The following FOLH1 variants were observed in gnomAD, a reference collection of about 807,000 sequenced individuals.
FOLH1 encodes folate hydrolase 1.
Under a neutral mutation model 93.9 loss-of-function variants are expected in FOLH1, and 54 were observed. The ratio of observed to expected loss-of-function variants is 0.57; its 90% confidence interval spans 0.46 to 0.72. FOLH1 has a LOEUF of 0.72. Among genes scored for constraint, FOLH1 ranks in the 30% least tolerant of loss-of-function variants. The pLI, the probability that FOLH1 is intolerant of heterozygous loss-of-function variation, is 0.00. For synonymous variants in FOLH1, 249 were observed against 303.6 expected (o/e 0.82, Z 1.87); for missense variants, 571 against 892.5 (o/e 0.64, Z 4.59).
intron 11 of FOLH1, 35 bp from the exon 12 acceptor site, chr11:49,169,293 A>G: frequency 6.3e-7 from 1 of 1,590,204 alleles, no homozygotes; most frequent in Non-Finnish European, 8.6e-7. Flanking sequence ...ATATAAAGTT[A>G]TAACCCACTC....
intron 5 of FOLH1, among the ~76,000 whole-genome samples, chr11:49,186,367 C>T (rs576059304): frequency 6.6e-6 from 1 of 151,920 alleles, no homozygotes; most frequent in South Asian, 2.1e-4. Flanking sequence ...AATAATAAAC[C>T]CAGTGCATGC....
At chr11:49,147,219 ATGTTTACT>A (rs1166973287) in intron 18 of FOLH1, among the ~76,000 whole-genome samples, 1 of 152,192 alleles carries the variant, frequency 6.6e-6, no homozygotes, top group Non-Finnish European at 1.5e-5. Context: ...TTGGTATTTA[ATGTTTACT>A]TGCAATTTTT....
Position 49,208,528 on chromosome 11 carries a change from C to T in FOLH1, c.-119G>A. On this transcript the variant is annotated 5_prime_UTR_variant, in exon 1 of 19. Transcript: ENST00000256999. ...TCAATCTCACTAATGCCTCGCTTATCAGCCCTGCAGGCTGGAATTCGCTCC... is the reference window on the plus strand; with the variant it reads ...TCAATCTCACTAATGCCTCGCTTATTAGCCCTGCAGGCTGGAATTCGCTCC... The T allele has an allele frequency of 1.5e-6, 1 of 650,786 alleles. No individual in the cohort carries two copies. Among genetic ancestry groups the T allele is most frequent in the Non-Finnish European group, 2.6e-6 (1 of 386,980 alleles). 40.3% of individuals were successfully genotyped at this position (650,786 alleles called of 1,614,324 possible).
chr11:49,206,849 A>G (rs1864029961), intron 1 of FOLH1: 1 of 1,501,486 alleles, frequency 6.7e-7, no homozygotes, highest in African/African-American at 1.4e-5. Context: ...TCCTGCAGTC[A>G]TTAGACCTTG....
At chr11:49,205,000 C>G (rs1863726973) in intron 2 of FOLH1, among the ~76,000 whole-genome samples, 1 of 152,034 alleles carries the variant, frequency 6.6e-6, no homozygotes, top group African/African-American at 2.4e-5. Flanking sequence ...CACCTGAGGT[C>G]AGGAGTTTGA....
chr11:49,145,209 T>C lies in FOLH1; in HGVS notation c.*1547A>G, dbSNP rs1855734511. ...AGATCTGGGCCCATTAAATAGTTCT[T>C]CTTTGTCACGTGTTAATGATGTTAA... On this transcript the variant is annotated 3_prime_UTR_variant, in exon 19 of 19. Coordinates refer to ENST00000256999, the MANE Select transcript of FOLH1 (RefSeq NM_004476.3). Among the ~76,000 whole-genome samples the C allele has an allele frequency of 6.6e-6, 1 of 152,182 alleles. No homozygotes were observed. The highest frequency in any genetic ancestry group is 1.5e-5 in the Non-Finnish European group (1 of 68,020).
At chr11:49,171,408 A>G in intron 10 of FOLH1, 131 bp from the exon 11 acceptor site, 3 of 1,251,024 alleles carry the variant, frequency 2.4e-6, no homozygotes, top group South Asian at 3.4e-5. Context: ...GTAGTAAAAA[A>G]TCTTTACTTA....
At chr11:49,181,023 G>A (rs1021162870) in intron 7 of FOLH1, among the ~76,000 whole-genome samples, 8 of 151,862 alleles carry the variant, frequency 5.3e-5, no homozygotes, top group African/African-American at 1.7e-4. Flanking sequence ...AATCGTAGAC[G>A]TCTAAATAAA....
intron 13 of FOLH1, among the ~76,000 whole-genome samples, chr11:49,158,796 C>G (rs1449701068): frequency 1.3e-5 from 2 of 152,118 alleles, no homozygotes; most frequent in East Asian, 3.9e-4. Context: ...AATATGTCAT[C>G]TCTGATTTCT....
chr11:49,192,648 A>C (rs1033491144), intron 4 of FOLH1, 145 bp downstream of exon 4: 2 of 492,748 alleles, frequency 4.1e-6, no homozygotes, highest in African/African-American at 4.0e-5. Context: ...CCTTCTTCTT[A>C]CTAAGACATT....
At chr11:49,198,380 G>A (rs1251001006) in intron 3 of FOLH1, among the ~76,000 whole-genome samples, 1 of 151,960 alleles carries the variant, frequency 6.6e-6, no homozygotes, top group African/African-American at 2.4e-5. Flanking sequence ...TACTAGGGAG[G>A]CTGAGACAGG....
chr11:49,160,068 A>G (rs1857521840), intron 13 of FOLH1, among the ~76,000 whole-genome samples: 1 of 151,852 alleles, frequency 6.6e-6, no homozygotes, highest in African/African-American at 2.4e-5. Context: ...ACCTGCCACC[A>G]CACCCAGCTA....
At chr11:49,203,928 T>G (rs1412632322) in intron 2 of FOLH1, among the ~76,000 whole-genome samples, 1 of 152,218 alleles carries the variant, frequency 6.6e-6, no homozygotes, top group Non-Finnish European at 1.5e-5. Flanking sequence ...CAGCTCTTGA[T>G]GGTCCACACC....
At chr11:49,195,409 G>A (rs1325089197) in intron 3 of FOLH1, among the ~76,000 whole-genome samples, 1 of 152,002 alleles carries the variant, frequency 6.6e-6, no homozygotes, top group Non-Finnish European at 1.5e-5. Flanking sequence ...TAGTTGAAGT[G>A]GAAAGGGAAG....
chr11:49,149,583 A>G (rs928237575), intron 17 of FOLH1, among the ~76,000 whole-genome samples: 1 of 152,112 alleles, frequency 6.6e-6, no homozygotes, highest in African/African-American at 2.4e-5. Flanking sequence ...TTAAGTTTCT[A>G]TAATTCTCTT....
chr11:49,168,756 C>A (rs981645999), intron 12 of FOLH1, among the ~76,000 whole-genome samples: 2 of 152,104 alleles, frequency 1.3e-5, no homozygotes, highest in African/African-American at 4.8e-5. Context: ...CAGGCGTGAG[C>A]CACCGCACCC....
chr11:49,182,852 G>A (rs1320174301), intron 7 of FOLH1, among the ~76,000 whole-genome samples: 2 of 152,124 alleles, frequency 1.3e-5, no homozygotes, highest in Non-Finnish European at 2.9e-5. Context: ...CAGGAAGCAT[G>A]GTCTTGACAA....
Position 49,148,457 on chromosome 11 carries a change from T to C in FOLH1, c.2063+182A>G, listed in dbSNP as rs1312910998. On this transcript the variant is annotated intron_variant, in intron 18 of 18. Transcript: ENST00000256999. ...AGAACAAAGATACTCAAAATAAAGA[T>C]ATGCAAAAATCATATTACATTATAT... 1.6e-4 allele frequency among the ~76,000 whole-genome samples: 24 copies of C among 151,802 alleles called. No individual in the cohort carries two copies. The East Asian group carries it at 4.6e-3, about 29-fold the overall frequency.
intron 3 of FOLH1, among the ~76,000 whole-genome samples, chr11:49,199,117 G>C (rs1863003973): frequency 6.6e-6 from 1 of 151,996 alleles, no homozygotes; most frequent in Admixed American, 6.6e-5. Context: ...AATTATATAT[G>C]TACTTAAATC....
Sources: allele counts gnomAD v4.1 joint callset (sites outside exome capture counted in the v4.1 genomes callset), GRCh38; gene constraint gnomAD v4.1.1; transcripts MANE v1.5; gene names NCBI Gene and HGNC (gene_info 2026-07-23, HGNC 2026-07-21).